The following DOCK2 variants were observed in gnomAD, a reference collection of about 807,000 sequenced individuals.
The protein encoded by DOCK2 is dedicator of cytokinesis protein 2.
In DOCK2, 87 loss-of-function variants were observed where a neutral mutation model predicts 248.9. The ratio of observed to expected loss-of-function variants is 0.35; its 90% CI spans 0.29 to 0.42. The LOEUF (loss-of-function observed/expected upper bound fraction) is 0.42. DOCK2 is among the 10% of genes least tolerant of loss of function. The pLI is 1.00. For missense variants in DOCK2, 1,747 were observed against 2,300.2 expected (o/e 0.76, Z 4.92); for synonymous variants, 805 against 821.6 (o/e 0.98, Z 0.35).
intron 27 of DOCK2, among the ~76,000 whole-genome samples, chr5:169,847,516 C>T (rs1770386543): frequency 6.6e-6 from 1 of 152,150 alleles, no homozygotes; most frequent in African/African-American, 2.4e-5. Context: ...TACATTCTTT[C>T]TGCAGATAAT....
chr5:169,892,576 G>A (rs541220091), intron 27 of DOCK2, among the ~76,000 whole-genome samples: 7 of 152,290 alleles, frequency 4.6e-5, no homozygotes, highest in Admixed American at 2.6e-4. Context: ...AGGCCTCTCC[G>A]ATGGATGGGC....
chr5:169,864,581 G>T, intron 27 of DOCK2: 1 of 753,024 alleles, frequency 1.3e-6, no homozygotes, highest in African/African-American at 1.8e-5. Context: ...TAGATCCTTA[G>T]GTACCTACTG....
intron 1 of DOCK2, 149 bp downstream of exon 1, chr5:169,637,518 G>C (rs1480752338): frequency 4.1e-6 from 4 of 968,922 alleles, no homozygotes; most frequent in Non-Finnish European, 5.4e-6. Context: ...GCCTCGGGGC[G>C]GGAAAGCCGA....
intron 27 of DOCK2, among the ~76,000 whole-genome samples, chr5:169,915,094 T>C (rs577848384): frequency 3.9e-5 from 6 of 152,290 alleles, no homozygotes; most frequent in Non-Finnish European, 8.8e-5. Context: ...TAGGCCTTGA[T>C]GTTGAGGCCC....
At position 169,698,617 on chromosome 5, in the gene DOCK2, C is replaced by T. The variant is rs568384823; in HGVS notation, c.1055+168C>T. Among the ~76,000 whole-genome samples, 12 of 152,330 alleles carry T rather than the reference C, an allele frequency of 7.9e-5. No individual in the cohort carries two copies. In the South Asian group the frequency reaches 2.5e-3, roughly 32 times the overall value. On this transcript the variant is annotated intron_variant, in intron 11 of 51. Coordinates refer to ENST00000520908, the MANE Select transcript of DOCK2 (RefSeq NM_004946.3). The stretch of plus-strand genomic sequence containing the variant: ...GGCTCAGTGCCCAGGCACTCAAAAC[C>T]AAACAGCTCTTCAGCCATTCATTCA...
At chr5:169,715,325 G>A (rs1350616240) in intron 19 of DOCK2, among the ~76,000 whole-genome samples, 1 of 152,124 alleles carries the variant, frequency 6.6e-6, no homozygotes, top group Non-Finnish European at 1.5e-5. Flanking sequence ...TCTTTATATG[G>A]TAGCTCTGTG....
At chr5:169,864,142 T>A (rs1771382850) in intron 27 of DOCK2, 1 of 797,756 alleles carries the variant, frequency 1.3e-6, no homozygotes, top group South Asian at 1.8e-5. Context: ...CCAAGGCTCT[T>A]CTGTTTCACA....
chr5:169,747,480 A>G lies in DOCK2; in HGVS notation c.2352A>G (p.Gln784=), dbSNP rs13155521. ...CCATCAACAATCTGATGAAAAGTCA[A>G]TACAAAACTACCATCCTTTTGCAGG... ...FESINNLMKS[Q]YKTTILLQVA... The change falls in exon 23 of 52, where the codon CAA becomes CAG. Residue 784 remains glutamine (Q), a synonymous_variant. Transcript: ENST00000520908. The G allele has an allele frequency of 0.062, 99,643 of 1,613,356 alleles. 3,625 individuals carry two copies. The highest frequency in any genetic ancestry group is 0.075 in the Non-Finnish European group (88,701 of 1,179,578).
At chr5:169,714,321 C>G in intron 18 of DOCK2, 39 bp from the exon 19 acceptor site, 2 of 1,613,282 alleles carry the variant, frequency 1.2e-6, no homozygotes, top group Middle Eastern at 1.7e-4. Flanking sequence ...GACAGTTAGG[C>G]CAGTAATGAT....
chr5:169,881,255 A>C, intron 27 of DOCK2: 1 of 833,038 alleles, frequency 1.2e-6, no homozygotes, highest in South Asian at 1.5e-5. Context: ...TTTCATAGTT[A>C]AATACCTTGT....
chr5:169,971,772 T>G (rs1458333652), intron 27 of DOCK2, among the ~76,000 whole-genome samples: 1 of 152,256 alleles, frequency 6.6e-6, no homozygotes, highest in African/African-American at 2.4e-5. Flanking sequence ...TACCTACAAA[T>G]TGAGGATCAA....
intron 29 of DOCK2, among the ~76,000 whole-genome samples, chr5:169,995,123 G>A (rs1754562283): frequency 6.6e-6 from 1 of 151,654 alleles, no homozygotes. Context: ...CCAACTCCTG[G>A]GTTCAAGGGA....
intron 27 of DOCK2, among the ~76,000 whole-genome samples, chr5:169,974,530 T>A (rs6873319): frequency 0.013 from 1,936 of 152,290 alleles, 42 homozygotes; most frequent in African/African-American, 0.044. Flanking sequence ...AGACTTCACA[T>A]CCTGTTGGGA....
chr5:169,652,147 C>T (rs1212754633), intron 1 of DOCK2, among the ~76,000 whole-genome samples: 1 of 152,206 alleles, frequency 6.6e-6, no homozygotes, highest in African/African-American at 2.4e-5. Flanking sequence ...CTTGCTCAAG[C>T]AGGCTGCCCC....
chr5:169,999,599 C>T (rs1199653462), intron 30 of DOCK2, among the ~76,000 whole-genome samples: 1 of 152,128 alleles, frequency 6.6e-6, no homozygotes, highest in Non-Finnish European at 1.5e-5. Flanking sequence ...GAGTGGCCAA[C>T]ATTACAAAAT....
intron 27 of DOCK2, among the ~76,000 whole-genome samples, chr5:169,846,686 A>G (rs552204703): frequency 6.6e-6 from 1 of 152,228 alleles, no homozygotes. Flanking sequence ...ACACACATAT[A>G]TATACATACA....
At chr5:169,772,913 T>C (rs1017218420) in intron 25 of DOCK2, 2 of 152,228 alleles carry the variant, frequency 1.3e-5, no homozygotes, top group Non-Finnish European at 2.9e-5. Flanking sequence ...GCTGGTCATT[T>C]AACAGTGCCT....
chr5:169,685,637 A>G (rs1759922833), intron 8 of DOCK2, among the ~76,000 whole-genome samples: 1 of 152,210 alleles, frequency 6.6e-6, no homozygotes, highest in Non-Finnish European at 1.5e-5. Flanking sequence ...TATGATGATT[A>G]AATGAACGAA....
At chr5:169,923,811 A>G (rs1019073066) in intron 27 of DOCK2, among the ~76,000 whole-genome samples, 4 of 152,236 alleles carry the variant, frequency 2.6e-5, no homozygotes, top group Non-Finnish European at 5.9e-5. Flanking sequence ...CATAGATGTT[A>G]TGCAACTTGT....
Sources: allele counts gnomAD v4.1 joint callset (sites outside exome capture counted in the v4.1 genomes callset), GRCh38; gene constraint gnomAD v4.1.1; transcripts MANE v1.5; gene names NCBI Gene and HGNC (gene_info 2026-07-23, HGNC 2026-07-21).